Variants in ERC1 observed in about 807,000 individuals in gnomAD.
ERC1 encodes ELKS/RAB6-interacting/CAST family member 1.
A neutral mutation model predicts 132.0 loss-of-function variants in ERC1; 56 were observed. That is an observed-to-expected ratio of 0.42 (90% CI 0.34 to 0.53). The LOEUF is 0.53. Ranked by LOEUF, ERC1 falls within the 20% of genes least tolerant of loss-of-function variation. The pLI is 0.03. For missense variants in ERC1, 1,202 were observed against 1,349.9 expected, an observed-to-expected ratio of 0.89 and a Z score of 1.72; for synonymous variants, 478 against 476.1, an observed-to-expected ratio of 1.00 and a Z score of -0.05.
Position 1,289,873 on chromosome 12 carries a change from A to C in ERC1, c.2641A>C (p.Met881Leu), listed in dbSNP as rs773476890. The change falls in exon 15 of 19, where the codon ATG becomes CTG. Residue 881 changes from methionine (M) to leucine (L), a missense_variant. Coordinates refer to ENST00000360905, the MANE Select transcript of ERC1 (RefSeq NM_178040.4). ...EKQVEELLMA[M>L]EKVKQELESM... ...ATAGGTGGAGGAGTTACTGATGGCC[A>C]TGGAGAAGGTAAAGCAGGAACTAGA... 6.2e-7 allele frequency: 1 copy of C among 1,613,792 alleles called. No homozygotes were observed. The highest frequency in any genetic ancestry group is 1.7e-5 in the Admixed American group (1 of 60,014).
chr12:1,132,488 G>C (rs1195230280), intron 7 of ERC1, among the ~76,000 whole-genome samples: 1 of 152,070 alleles, frequency 6.6e-6, no homozygotes, highest in Non-Finnish European at 1.5e-5. Context: ...AGTGCCGTGC[G>C]GGTATTTATG....
chr12:1,295,597 A>G lies in ERC1; in HGVS notation c.2780+5585A>G, dbSNP rs1023660322. Among the ~76,000 whole-genome samples the G allele has an allele frequency of 3.3e-5, 5 of 152,174 alleles. 1 individual carries two copies. The highest frequency in any genetic ancestry group is 4.1e-4 in the South Asian group (2 of 4,822). ...TTCAGTTATCTAGCTGAGATAACAC[A>G]AAAGATAGGTTTGAGGAACAAGGAC... On this transcript the variant is annotated intron_variant, in intron 15 of 18. Transcript: ENST00000360905.
chr12:1,273,381 A>G (rs1331773615), intron 14 of ERC1, among the ~76,000 whole-genome samples: 3 of 152,222 alleles, frequency 2.0e-5, no homozygotes, highest in Non-Finnish European at 4.4e-5. Context: ...TCTAAATACT[A>G]TTCAATATTA....
chr12:1,134,316 G>A (rs1202970409), intron 7 of ERC1, among the ~76,000 whole-genome samples: 1 of 151,286 alleles, frequency 6.6e-6, no homozygotes, highest in Non-Finnish European at 1.5e-5. Flanking sequence ...TTAACATAAT[G>A]GGTTTATTGT....
chr12:1,458,532 TTTC>T (rs1428051962), intron 18 of ERC1, among the ~76,000 whole-genome samples: 1 of 151,502 alleles, frequency 6.6e-6, no homozygotes, highest in Non-Finnish European at 1.5e-5. Flanking sequence ...ATGTATGTAT[TTTC>T]TTTTTTTTTT....
intron 1 of ERC1, among the ~76,000 whole-genome samples, chr12:1,027,063 T>C (rs1287845349): frequency 2.6e-5 from 4 of 152,240 alleles, no homozygotes; most frequent in Non-Finnish European, 5.9e-5. Flanking sequence ...TTCATGTCTT[T>C]CAGTAAAATG....
intron 7 of ERC1, among the ~76,000 whole-genome samples, chr12:1,119,693 G>A (rs1593423216): frequency 1.3e-5 from 2 of 152,042 alleles, no homozygotes; most frequent in Non-Finnish European, 2.9e-5. Flanking sequence ...TGGGATTATA[G>A]GCATGTGCCA....
rs143155003 is a variant in ERC1, at chr12:1,115,050, G to T, written c.1402-816G>T. On this transcript the variant is annotated intron_variant, in intron 6 of 18. Transcript: ENST00000360905. ...AACTTTTTGTTTCATCAGTGACACCGAAATTACTGACTTGTCAAATGTATA... is the reference window on the plus strand; with the variant it reads ...AACTTTTTGTTTCATCAGTGACACCTAAATTACTGACTTGTCAAATGTATA... 4.4e-3 allele frequency among the ~76,000 whole-genome samples: 669 copies of T among 152,224 alleles called. 4 individuals are homozygous for T. The highest frequency in any genetic ancestry group is 0.016 in the African/African-American group (644 of 41,534).
chr12:1,251,128 T>C (rs943316373), intron 13 of ERC1, among the ~76,000 whole-genome samples: 7 of 152,178 alleles, frequency 4.6e-5, no homozygotes, highest in Non-Finnish European at 7.4e-5. Context: ...TTTTTTTTCC[T>C]TTCTGAGAAT....
At position 1,461,222 on chromosome 12, in the gene ERC1, A is replaced by T. The variant is rs570022612; in HGVS notation, c.3213+16472A>T. Among the ~76,000 whole-genome samples, 4 of 152,282 alleles carry T rather than the reference A, an allele frequency of 2.6e-5. No homozygotes were observed. The East Asian group carries it at 7.7e-4, about 29-fold the overall frequency. ...ATATTGTACCCATTTGATACAGATC[A>T]TCTCATACAATTAGCCATATGGATT... is the stretch of plus-strand genomic sequence containing the variant. On this transcript the variant is annotated intron_variant, in intron 18 of 18. Coordinates refer to ENST00000360905, the MANE Select transcript of ERC1 (RefSeq NM_178040.4).
At chr12:1,027,102 C>T (rs965543774) in intron 1 of ERC1, among the ~76,000 whole-genome samples, 1 of 152,172 alleles carries the variant, frequency 6.6e-6, no homozygotes, top group Non-Finnish European at 1.5e-5. Flanking sequence ...AAAATTCTTG[C>T]ACATTTCTGT....
intron 17 of ERC1, among the ~76,000 whole-genome samples, chr12:1,439,588 G>A (rs1379942218): frequency 6.6e-6 from 1 of 152,048 alleles, no homozygotes; most frequent in Admixed American, 6.6e-5. Flanking sequence ...CATCATATTT[G>A]GTACAAGCAA....
intron 14 of ERC1, among the ~76,000 whole-genome samples, chr12:1,276,693 T>G (rs896979741): frequency 2.0e-5 from 3 of 152,194 alleles, no homozygotes; most frequent in African/African-American, 7.2e-5. Context: ...CTGTGTCTTA[T>G]TTACTGTTGT....
chr12:1,402,614 A>AACACCACACACACACACAC (rs762354470), intron 16 of ERC1, among the ~76,000 whole-genome samples: 9 of 144,896 alleles, frequency 6.2e-5, no homozygotes, highest in African/African-American at 1.8e-4. Flanking sequence ...TGTAACCCCC[A>AACACCACACACACACACAC]ACACACACAC....
intron 15 of ERC1, among the ~76,000 whole-genome samples, chr12:1,365,418 A>G (rs1051550368): frequency 6.6e-6 from 1 of 152,210 alleles, no homozygotes; most frequent in African/African-American, 2.4e-5. Context: ...AACAGATAGA[A>G]GTGAAGTCAG....
intron 7 of ERC1, among the ~76,000 whole-genome samples, chr12:1,124,976 G>A (rs1238724167): frequency 4.0e-5 from 6 of 151,812 alleles, no homozygotes; most frequent in Non-Finnish European, 7.4e-5. Flanking sequence ...GGCTTTCGAG[G>A]AGAAAATATT....
At chr12:1,212,995 C>T (rs1958018789) in intron 12 of ERC1, among the ~76,000 whole-genome samples, 1 of 152,156 alleles carries the variant, frequency 6.6e-6, no homozygotes, top group Non-Finnish European at 1.5e-5. Flanking sequence ...AAATGTGATC[C>T]TCTTACATCC....
At chr12:1,185,578 A>C (rs953181528) in intron 11 of ERC1, among the ~76,000 whole-genome samples, 1 of 152,070 alleles carries the variant, frequency 6.6e-6, no homozygotes, top group Non-Finnish European at 1.5e-5. Context: ...CACTCATCCA[A>C]GCCAGTGAGT....
chr12:1,239,477 C>T (rs2075653338), intron 13 of ERC1, among the ~76,000 whole-genome samples: 1 of 152,146 alleles, frequency 6.6e-6, no homozygotes, highest in African/African-American at 2.4e-5. Flanking sequence ...CTAATCCTAG[C>T]GACTCGGGAG....
Sources: gnomAD v4.1 joint callset for allele counts (sites outside exome capture counted in the v4.1 genomes callset) on GRCh38, gnomAD v4.1.1 for gene constraint, MANE v1.5 for transcripts, NCBI Gene and HGNC (gene_info 2026-07-23, HGNC 2026-07-21) for gene names.